Variants in DMD observed in about 807,000 individuals in gnomAD.
DMD encodes dystrophin.
A neutral mutation model predicts 330.1 loss-of-function variants in DMD; 63 were observed. The observed-to-expected ratio is 0.19, with a 90% CI of 0.16 to 0.24. The LOEUF is 0.24. DMD is among the 10% of genes least tolerant of loss of function. The pLI, the probability that DMD is intolerant of heterozygous loss-of-function variation, is 1.00. For missense variants in DMD, 3,344 were observed against 2,684.1 expected, an observed-to-expected ratio of 1.25 and a Z score of -5.43; for synonymous variants, 1,223 against 959.8, an observed-to-expected ratio of 1.27 and a Z score of -5.07.
At chrX:31,233,899 T>C (rs2047461409) in intron 63 of DMD, among the ~76,000 whole-genome samples, 1 of 111,992 alleles carries the variant, frequency 8.9e-6, no homozygotes, top group Admixed American at 9.5e-5. Context: ...TGTGTGTGTG[T>C]GTGTTTGATT....
At chrX:32,327,198 A>C (rs2097655422) in intron 41 of DMD, among the ~76,000 whole-genome samples, 2 of 110,431 alleles carry the variant, frequency 1.8e-5, no homozygotes, top group African/African-American at 6.6e-5. Context: ...AGGGGCACAA[A>C]AAAAAAAAGA....
At chrX:33,321,211 C>T (rs1388825614) in intron 1 of DMD, among the ~76,000 whole-genome samples, 3 of 111,381 alleles carry the variant, frequency 2.7e-5, no homozygotes, top group Non-Finnish European at 5.7e-5. Flanking sequence ...ATTTCCTTTG[C>T]TCATATCCAT....
chrX:33,193,365 A>G (rs1215705088), intron 1 of DMD, among the ~76,000 whole-genome samples: 2 of 112,167 alleles, frequency 1.8e-5, no homozygotes, highest in African/African-American at 6.5e-5. Context: ...ATTTTTCTCC[A>G]ATGGGAATTT....
chrX:31,949,591 T>C (rs1603617575), intron 45 of DMD, among the ~76,000 whole-genome samples: 1 of 110,147 alleles, frequency 9.1e-6, no homozygotes, highest in East Asian at 2.9e-4. Flanking sequence ...ATAAAGAGAG[T>C]TTCATTTCTT....
rs774859432 is a variant in DMD at position 32,637,636 on chromosome X, C to T, written c.1331+6496G>A. ...AAACAAGTTTAATTGACTCACAGTT[C>T]GGCATGGCTGGGGAGGCCTCAGAAA... is the stretch of plus-strand genomic sequence containing the variant. On this transcript the variant is annotated intron_variant, in intron 11 of 78. Coordinates refer to ENST00000357033, the MANE Select transcript of DMD (RefSeq NM_004006.3). 2.0e-4 allele frequency among the ~76,000 whole-genome samples: 22 copies of T among 111,621 alleles called. No individual in the cohort carries two copies. The East Asian group carries it at 5.9e-3, about 30-fold the overall frequency.
chrX:33,132,145 C>G lies in DMD; in HGVS notation c.31+79137G>C, dbSNP rs760198098. On this transcript the variant is annotated intron_variant, in intron 1 of 78. Transcript: ENST00000357033. ...AGGGGAGTTTTAGCATAACTGCTGT[C>G]AGATTATATCTTCTTAAACATTTTC... Among the ~76,000 whole-genome samples, 9 of 112,074 alleles carry G rather than the reference C, an allele frequency of 8.0e-5. 1 individual carries two copies. The South Asian group carries it at 2.2e-3, about 28-fold the overall frequency.
At chrX:32,406,619 C>G (rs185432028) in intron 30 of DMD, among the ~76,000 whole-genome samples, 4 of 111,059 alleles carry the variant, frequency 3.6e-5, no homozygotes, top group Non-Finnish European at 7.5e-5. Context: ...GGTCATGGTG[C>G]ATAAGCTTTT....
At chrX:32,649,398 C>G (rs774480821) in intron 9 of DMD, among the ~76,000 whole-genome samples, 2 of 107,205 alleles carry the variant, frequency 1.9e-5, no homozygotes, top group East Asian at 5.9e-4. Context: ...ACTAAAAATA[C>G]AAAAAATTAG....
chrX:32,352,144 A>G (rs2097783739), intron 37 of DMD, among the ~76,000 whole-genome samples: 1 of 110,935 alleles, frequency 9.0e-6, no homozygotes, highest in African/African-American at 3.2e-5. Context: ...TTTTTTAAAA[A>G]CACTGATTTT....
At chrX:32,384,257 G>A (rs1029070213) in intron 33 of DMD, among the ~76,000 whole-genome samples, 2 of 109,985 alleles carry the variant, frequency 1.8e-5, no homozygotes, top group African/African-American at 6.6e-5. Context: ...TGAAATAATT[G>A]GCATCTATAA....
chrX:32,218,426 C>T (rs754810972), intron 43 of DMD, among the ~76,000 whole-genome samples: 2 of 111,822 alleles, frequency 1.8e-5, no homozygotes, highest in Non-Finnish European at 3.8e-5. Flanking sequence ...TACAGATTAC[C>T]GGCTATGGTG....
intron 67 of DMD, among the ~76,000 whole-genome samples, 160 bp downstream of exon 67, chrX:31,203,801 G>C (rs2043773860): frequency 8.9e-6 from 1 of 111,858 alleles, no homozygotes; most frequent in African/African-American, 3.3e-5. Flanking sequence ...AAAACCTAGA[G>C]TTCCAGAAGC....
At chrX:32,511,555 A>C (rs1232674643) in intron 18 of DMD, among the ~76,000 whole-genome samples, 1 of 108,054 alleles carries the variant, frequency 9.3e-6, no homozygotes, top group Non-Finnish European at 1.9e-5. Flanking sequence ...AAAGAAAAGA[A>C]AGTCATTAAT....
intron 50 of DMD, among the ~76,000 whole-genome samples, chrX:31,785,780 G>A (rs2091265700): frequency 9.0e-6 from 1 of 111,437 alleles, no homozygotes; most frequent in Non-Finnish European, 1.9e-5. Context: ...GGACACGAAC[G>A]CATCCTTTTT....
At chrX:32,321,141 A>G (rs2097611948) in intron 41 of DMD, among the ~76,000 whole-genome samples, 1 of 111,787 alleles carries the variant, frequency 8.9e-6, no homozygotes, top group African/African-American at 3.2e-5. Context: ...ATGCACATGT[A>G]TGTATGTACG....
chrX:31,875,313 G>T lies in DMD; in HGVS notation c.6973C>A (p.Gln2325Lys), dbSNP rs781054741. 5.8e-6 allele frequency: 7 copies of T among 1,207,241 alleles called. No homozygotes were observed. The highest frequency in any genetic ancestry group is 7.8e-6 in the Non-Finnish European group (7 of 892,718). ...EIEAQIKDLG[Q>K]LEKKLEDLEE... is the part of the protein sequence containing the mutation. ...AGGTCTTCAAGCTTTTTTTCAAGCT[G>T]CCCAAGGTCTTTTATTTGAGCTTCA... The change falls in exon 48 of 79, where the codon CAG becomes AAG. Residue 2325 changes from glutamine (Q) to lysine (K), a missense_variant. Coordinates refer to ENST00000357033, the MANE Select transcript of DMD (RefSeq NM_004006.3).
At chrX:32,825,579 T>C (rs1341630865) in intron 4 of DMD, among the ~76,000 whole-genome samples, 8 of 112,095 alleles carry the variant, frequency 7.1e-5, no homozygotes, top group African/African-American at 2.6e-4. Context: ...CCAATTATCA[T>C]AGTAACATTA....
intron 11 of DMD, among the ~76,000 whole-genome samples, chrX:32,634,290 A>G (rs1214221435): frequency 8.9e-6 from 1 of 111,914 alleles, no homozygotes; most frequent in Admixed American, 9.4e-5. Flanking sequence ...AAACTCTGGA[A>G]TCAGGGACCC....
At chrX:32,946,583 G>A (rs1211620330) in intron 2 of DMD, among the ~76,000 whole-genome samples, 2 of 111,686 alleles carry the variant, frequency 1.8e-5, no homozygotes, top group Non-Finnish European at 3.8e-5. Flanking sequence ...TAAATTGCTT[G>A]CTGGTTTTGT....
Sources: allele counts gnomAD v4.1 joint callset (sites outside exome capture counted in the v4.1 genomes callset), GRCh38; gene constraint gnomAD v4.1.1; transcripts MANE v1.5; gene names NCBI Gene and HGNC (gene_info 2026-07-23, HGNC 2026-07-21).